GLS: variants seen among roughly 807,000 people sequenced by gnomAD.
The protein encoded by GLS is glutaminase.
GLS carries 36 observed loss-of-function variants against 86.7 expected under a neutral mutation model. The ratio of observed to expected loss-of-function variants is 0.42; its 90% CI spans 0.32 to 0.55. The LOEUF (loss-of-function observed/expected upper bound fraction) is 0.55. Ranked by LOEUF, GLS falls within the 20% of genes least tolerant of loss-of-function variation. The pLI, the probability that GLS is intolerant of heterozygous loss-of-function variation, is 0.17. For missense variants in GLS, 528 were observed against 833.4 expected (o/e 0.63, Z 4.51); for synonymous variants, 317 against 305.9 (o/e 1.04, Z -0.38).
rs1321703665 is a variant in GLS at position 190,931,577 on chromosome 2, T to C, written c.1590T>C (p.Tyr530=). ...DLVSLCNFHN[Y]DNLRHFAKKL... ...TTTCTCTGTGTAATTTCCATAACTA[T>C]GATAATTTGAGACACTTTGCAAAAA... Residue 530 remains tyrosine (Y), a synonymous_variant, in exon 14 of 18, where the codon TAT becomes TAC. Transcript: ENST00000320717. The C allele has an allele frequency of 1.5e-5, 24 of 1,579,212 alleles. No homozygotes were observed. In the East Asian group the frequency reaches 5.2e-4, roughly 34 times the overall value.
chr2:190,910,742 G>C (rs1270702022), intron 7 of GLS, among the ~76,000 whole-genome samples: 2 of 150,918 alleles, frequency 1.3e-5, no homozygotes, highest in African/African-American at 4.9e-5. Context: ...CAAATGTTCT[G>C]GTACTTAAGA....
At chr2:190,931,129 A>G (rs991319901) in intron 13 of GLS, among the ~76,000 whole-genome samples, 7 of 152,168 alleles carry the variant, frequency 4.6e-5, no homozygotes, top group African/African-American at 1.2e-4. Context: ...ACCATACTCA[A>G]TTAAAATTGT....
chr2:190,927,206 TATTTC>T (rs1441097631), intron 11 of GLS, 95 bp from the exon 12 acceptor site: 2 of 913,686 alleles, frequency 2.2e-6, no homozygotes, highest in African/African-American at 3.5e-5. Flanking sequence ...TTGGAAGAAA[TATTTC>T]AGATCTGTAT....
At chr2:190,936,107 C>G (rs1186916152) in intron 14 of GLS, among the ~76,000 whole-genome samples, 1 of 150,730 alleles carries the variant, frequency 6.6e-6, no homozygotes, top group Non-Finnish European at 1.5e-5. Context: ...ATAAGGAGTT[C>G]CAGTATAATG....
chr2:190,899,729 T>G (rs1226503513), intron 3 of GLS, among the ~76,000 whole-genome samples: 1 of 152,102 alleles, frequency 6.6e-6, no homozygotes, highest in African/African-American at 2.4e-5. Flanking sequence ...TTGCAAAACG[T>G]TTTAAAGGCT....
chr2:190,918,881 C>A (rs2124889747), intron 7 of GLS, among the ~76,000 whole-genome samples: 1 of 152,146 alleles, frequency 6.6e-6, no homozygotes, highest in Non-Finnish European at 1.5e-5. Context: ...TGGGAATGAA[C>A]AATCAGTGAA....
chr2:190,929,008 CAG>C (rs1467955822), intron 12 of GLS, among the ~76,000 whole-genome samples: 1 of 145,944 alleles, frequency 6.9e-6, no homozygotes, highest in Non-Finnish European at 1.5e-5. Context: ...TATTTTGAGA[CAG>C]AGTCTCACTG....
intron 14 of GLS, among the ~76,000 whole-genome samples, chr2:190,937,213 A>C (rs1270310855): frequency 6.6e-6 from 1 of 151,376 alleles, no homozygotes; most frequent in African/African-American, 2.4e-5. Context: ...TTTATTTCAA[A>C]TTGTAACAAA....
intron 1 of GLS, among the ~76,000 whole-genome samples, chr2:190,893,220 A>T (rs1203215363): frequency 1.3e-5 from 2 of 152,208 alleles, no homozygotes; most frequent in East Asian, 3.8e-4. Flanking sequence ...AGACCTAGAA[A>T]ACTTGTTTGT....
rs1689107273 is a variant in GLS at position 190,905,576 on chromosome 2, G to C, written c.979+409G>C. Among the ~76,000 whole-genome samples, 1 of 152,044 alleles carries C rather than the reference G, an allele frequency of 6.6e-6. No individual in the cohort carries two copies. The highest frequency in any genetic ancestry group is 1.5e-5 in the Non-Finnish European group (1 of 67,944). ...ATTATATTGTATATAGTAGTTGAAA[G>C]TTTTATTGTGGCCCTGGTTGAGATA... On this transcript the variant is annotated intron_variant, in intron 6 of 17. Coordinates refer to ENST00000320717, the MANE Select transcript of GLS (RefSeq NM_014905.5). This position sits in a 1 kb window ranked among gnomAD's most constrained non-coding sequence, Gnocchi z 4.6.
chr2:190,959,531 T>C (rs552283085), intron 17 of GLS, among the ~76,000 whole-genome samples: 1 of 152,348 alleles, frequency 6.6e-6, no homozygotes, highest in South Asian at 2.1e-4. Context: ...GTCTTTACAA[T>C]TTTGTATGTT....
rs563115994 is a variant in GLS, at chr2:190,905,460, A to T, written c.979+293A>T. Among the ~76,000 whole-genome samples, 56 of 152,246 alleles carry T rather than the reference A, an allele frequency of 3.7e-4. No individual in the cohort carries two copies. The highest frequency in any genetic ancestry group is 1.3e-3 in the African/African-American group (53 of 41,570). ...TGCTTTAAAATAATTTAGTTAAGGCAGCTGGGAGTGCTGGGTATGATTATT... is the reference window on the plus strand; with the variant it reads ...TGCTTTAAAATAATTTAGTTAAGGCTGCTGGGAGTGCTGGGTATGATTATT... On this transcript the variant is annotated intron_variant, in intron 6 of 17. Transcript: ENST00000320717. The surrounding 1 kb of genome is among the most constrained non-coding windows in gnomAD (Gnocchi z 4.6).
At position 190,951,596 on chromosome 2, in the gene GLS, A is replaced by C. The variant is rs935935748; in HGVS notation, c.1651-1969A>C. Among the ~76,000 whole-genome samples, 2 of 152,182 alleles carry C rather than the reference A, an allele frequency of 1.3e-5. No homozygotes were observed. The highest frequency in any genetic ancestry group is 6.5e-5 in the Admixed American group (1 of 15,272). On this transcript the variant is annotated intron_variant, in intron 14 of 17. Transcript: ENST00000320717. The surrounding 1 kb of genome is among the most constrained non-coding windows in gnomAD (Gnocchi z 4.2). The stretch of plus-strand genomic sequence containing the variant: ...AGGAAGCTTTTTACTTTGAGCGATG[A>C]AAACAGTTTTTATCTTTTTAGCAAA...
chr2:190,928,707 C>A (rs964692607), intron 12 of GLS, among the ~76,000 whole-genome samples: 3 of 111,204 alleles, frequency 2.7e-5, no homozygotes, highest in African/African-American at 8.0e-5. Flanking sequence ...GGTTTTGTCT[C>A]CTTTTTTTTT....
chr2:190,889,565 G>A (rs1688498125), intron 1 of GLS, among the ~76,000 whole-genome samples: 1 of 152,154 alleles, frequency 6.6e-6, no homozygotes, highest in Non-Finnish European at 1.5e-5. Context: ...AATTCATATA[G>A]TATCTGTATT....
chr2:190,932,728 C>G, intron 14 of GLS: 1 of 1,598,030 alleles, frequency 6.3e-7, no homozygotes, highest in Non-Finnish European at 8.5e-7. Context: ...TTCCTTTGGA[C>G]CATTGGACTA....
intron 3 of GLS, among the ~76,000 whole-genome samples, chr2:190,899,095 A>G (rs1296668749): frequency 2.0e-5 from 3 of 152,066 alleles, no homozygotes; most frequent in Non-Finnish European, 4.4e-5. Flanking sequence ...CAGGAATTCT[A>G]TTTTTCTTTC....
intron 14 of GLS, among the ~76,000 whole-genome samples, chr2:190,952,380 T>C (rs1690737505): frequency 6.6e-6 from 1 of 152,190 alleles, no homozygotes; most frequent in East Asian, 1.9e-4. Flanking sequence ...TTTCATATGC[T>C]CATGAATCTC....
intron 3 of GLS, among the ~76,000 whole-genome samples, chr2:190,899,322 T>C (rs922264333): frequency 3.9e-5 from 6 of 152,292 alleles, no homozygotes; most frequent in Non-Finnish European, 8.8e-5. Flanking sequence ...GACTGTAATT[T>C]TTTTAATGTT....
Sources: gnomAD v4.1 joint callset for allele counts (sites outside exome capture counted in the v4.1 genomes callset) on GRCh38, gnomAD v4.1.1 for gene constraint, Gnocchi (gnomAD v3.1) non-coding constraint, MANE v1.5 for transcripts, NCBI Gene and HGNC (gene_info 2026-07-23, HGNC 2026-07-21) for gene names.